Variants in TATDN2 observed in about 807,000 individuals in gnomAD.
TATDN2 encodes TatD DNase domain containing 2.
In TATDN2, 44 loss-of-function variants were observed where a neutral mutation model predicts 60.3. That is an observed-to-expected ratio of 0.73 (90% CI 0.57 to 0.94). TATDN2 has a LOEUF of 0.94. Ranked by LOEUF, TATDN2 falls within the 40% of genes least tolerant of loss-of-function variation. TATDN2 has a pLI of 0.00. For missense variants in TATDN2, 997 were observed against 948.0 expected (o/e 1.05, Z -0.68); for synonymous variants, 399 against 355.8 (o/e 1.12, Z -1.37).
intron 3 of TATDN2, among the ~76,000 whole-genome samples, chr3:10,261,780 T>C (rs1164387753): frequency 6.6e-6 from 1 of 152,260 alleles, no homozygotes; most frequent in Non-Finnish European, 1.5e-5. Context: ...AAATAATCTT[T>C]ACTGTTGATC....
chr3:10,278,892 A>G lies in TATDN2; in HGVS notation c.2153A>G (p.Lys718Arg). The G allele has an allele frequency of 6.2e-7, 1 of 1,613,990 alleles. No individual in the cohort carries two copies. The highest frequency in any genetic ancestry group is 2.2e-5 in the East Asian group (1 of 44,876). The change falls in exon 7 of 8, where the codon AAA (lysine) becomes AGA (arginine). Residue 718 changes from lysine to arginine, a missense_variant. Coordinates refer to ENST00000448281, the MANE Select transcript of TATDN2 (RefSeq NM_014760.4). The surrounding 1 kb of genome is among the most constrained non-coding windows in gnomAD (Gnocchi z 4.7). ...CCACTTGATGTCTTCCAGGTTCCCA[A>G]AAGCCTTTGCCAGTATGCCCACCCG... ...APYFLPRQVP[K>R]SLCQYAHPGL...
chr3:10,265,202 G>T (rs1698460554), intron 3 of TATDN2, among the ~76,000 whole-genome samples: 1 of 149,720 alleles, frequency 6.7e-6, no homozygotes, highest in African/African-American at 2.4e-5. Flanking sequence ...TCAGCCTCCT[G>T]AGCAGCTGGG....
At chr3:10,254,609 G>A (rs1412278365) in intron 2 of TATDN2, among the ~76,000 whole-genome samples, 1 of 152,196 alleles carries the variant, frequency 6.6e-6, no homozygotes, top group African/African-American at 2.4e-5. Context: ...TCTAAACTAA[G>A]GCTGAAGTGG....
chr3:10,276,226 A>G, intron 4 of TATDN2, 135 bp from the exon 5 acceptor site: 1 of 1,169,194 alleles, frequency 8.6e-7, no homozygotes. Context: ...GTGACCAATA[A>G]TCATTAGCTA....
Position 10,270,152 on chromosome 3 carries a change from A to C in TATDN2, c.970A>C (p.Met324Leu). ...GCAGCATAAAGATAGGGAGGTGGTGATGGAGCACCCCTCTTCTGGAAGTGA... is the reference window on the plus strand; with the variant it reads ...GCAGCATAAAGATAGGGAGGTGGTGCTGGAGCACCCCTCTTCTGGAAGTGA... ...IQKHKDREVV[M>L]EHPSSGSDWS... Residue 324 changes from methionine to leucine, a missense_variant, in exon 4 of 8, where the codon ATG becomes CTG. Met to Leu is a conservative substitution (Grantham distance 15). Coordinates refer to ENST00000448281, the MANE Select transcript of TATDN2 (RefSeq NM_014760.4). 6.2e-7 allele frequency: 1 copy of C among 1,613,166 alleles called. No individual in the cohort carries two copies. The highest frequency in any genetic ancestry group is 8.5e-7 in the Non-Finnish European group (1 of 1,179,540).
At chr3:10,266,989 G>GGCACGATCTCA (rs1256068011) in intron 3 of TATDN2, among the ~76,000 whole-genome samples, 1 of 147,058 alleles carries the variant, frequency 6.8e-6, no homozygotes, top group East Asian at 2.0e-4. Flanking sequence ...GGAGTACAGT[G>GGCACGATCTCA]GCTCACTGCA....
In TATDN2 at chr3:10,260,421, T is replaced by C; in HGVS notation, c.699T>C (p.Thr233=). Residue 233 remains threonine (T), a synonymous_variant, in exon 3 of 8, where the codon ACT becomes ACC. Transcript: ENST00000448281. ...CCAGGAGTGAAGGACCAGCCAAGAC[T>C]GCAGAAGGAGCAGCCAGGAGTGTCA... ...GPARSEGPAK[T]AEGAARSVTV... is the part of the protein sequence containing the mutation. The C allele has an allele frequency of 6.2e-7, 1 of 1,614,118 alleles. No individual in the cohort carries two copies.
Position 10,270,793 on chromosome 3 carries a change from C to T in TATDN2, c.1611C>T (p.Phe537=). ...PKEFQGCISD[F]CDPRTLTDCL... ...AATTTCAGGGCTGCATCTCTGACTT[C>T]TGTGATCCCCGCACCCTGACAGATT... The change falls in exon 4 of 8, where the codon TTC becomes TTT. Residue 537 remains phenylalanine, a synonymous_variant. Transcript: ENST00000448281. 6.2e-7 allele frequency: 1 copy of T among 1,614,232 alleles called. No homozygotes were observed. The highest frequency in any genetic ancestry group is 1.3e-5 in the African/African-American group (1 of 75,066).
intron 3 of TATDN2, among the ~76,000 whole-genome samples, chr3:10,268,964 G>T (rs1698517762): frequency 6.6e-6 from 1 of 152,194 alleles, no homozygotes; most frequent in South Asian, 2.1e-4. Context: ...TGTGGGTCAG[G>T]AATTTGGAAA....
At chr3:10,277,560 G>T (rs942237884) in intron 5 of TATDN2, among the ~76,000 whole-genome samples, 1 of 152,202 alleles carries the variant, frequency 6.6e-6, no homozygotes, top group African/African-American at 2.4e-5. Context: ...TTGTCAGATG[G>T]CAGAAAAAGG....
chr3:10,257,341 A>G (rs1698323286), intron 2 of TATDN2, among the ~76,000 whole-genome samples: 1 of 143,820 alleles, frequency 7.0e-6, no homozygotes, highest in Non-Finnish European at 1.5e-5. Flanking sequence ...AAAGATACAA[A>G]GAAAACAGGC....
rs1327138468 is a variant in TATDN2, at chr3:10,270,182, T to C, written c.1000T>C (p.Ser334Pro). The C allele has an allele frequency of 6.2e-7, 1 of 1,612,258 alleles. No individual in the cohort carries two copies. Among genetic ancestry groups the C allele is most frequent in the East Asian group, 2.2e-5 (1 of 44,762 alleles). Residue 334 changes from serine to proline, a missense_variant, in exon 4 of 8, where the codon TCT becomes CCT. Coordinates refer to ENST00000448281, the MANE Select transcript of TATDN2 (RefSeq NM_014760.4). ...MEHPSSGSDW[S>P]DVEEISTVRF... ...GCACCCCTCTTCTGGAAGTGACTGG[T>C]CTGATGTTGAGGAGATCTCCACAGT...
At chr3:10,271,450 A>G (rs1698562406) in intron 4 of TATDN2, among the ~76,000 whole-genome samples, 1 of 151,880 alleles carries the variant, frequency 6.6e-6, no homozygotes, top group Non-Finnish European at 1.5e-5. Flanking sequence ...AGTAGCTGGG[A>G]TTACAGGCGT....
intron 3 of TATDN2, among the ~76,000 whole-genome samples, chr3:10,267,262 A>C (rs1279506513): frequency 2.0e-4 from 27 of 135,712 alleles, no homozygotes; most frequent in African/African-American, 2.6e-4. Flanking sequence ...TATTTCCCCC[A>C]CACCCCCCGA....
chr3:10,255,671 G>A (rs546772069), intron 2 of TATDN2, among the ~76,000 whole-genome samples: 1 of 152,282 alleles, frequency 6.6e-6, no homozygotes, highest in African/African-American at 2.4e-5. Flanking sequence ...GCTGGGTGCG[G>A]TGGCTCATGC....
At chr3:10,264,683 CTT>C (rs779677473) in intron 3 of TATDN2, among the ~76,000 whole-genome samples, 10 of 143,858 alleles carry the variant, frequency 7.0e-5, no homozygotes, top group Non-Finnish European at 6.1e-5. Context: ...ACTTTATCTT[CTT>C]TTTTTTTTTT....
rs751106344 is a variant in TATDN2, at chr3:10,249,300, C to T, written c.100C>T (p.Pro34Ser). ...SCLREPCDVAPSSRPAQRSAS... is the reference protein window; with the variant it reads ...SCLREPCDVASSSRPAQRSAS... ...CCTCCGGGAGCCCTGTGATGTGGCC[C>T]CCTCCAGCCGGCCAGCTCAGAGGTC... Residue 34 changes from proline (P) to serine (S), a missense_variant, in exon 2 of 8, where the codon CCC becomes TCC. Pro to Ser is a moderately conservative substitution (Grantham distance 74). Coordinates refer to ENST00000448281, the MANE Select transcript of TATDN2 (RefSeq NM_014760.4). 16 of 1,605,828 alleles carry T rather than the reference C, an allele frequency of 1.0e-5. No individual in the cohort carries two copies. In the Admixed American group the frequency reaches 2.5e-4, roughly 25 times the overall value.
chr3:10,262,565 G>A (rs1418261155), intron 3 of TATDN2, among the ~76,000 whole-genome samples: 4 of 115,696 alleles, frequency 3.5e-5, no homozygotes, highest in Non-Finnish European at 4.8e-5. Context: ...GTGGAGTCTC[G>A]TTCTGTCTTG....
At chr3:10,260,045 G>T (rs1052826663) in intron 2 of TATDN2, 92 bp from the exon 3 acceptor site, 3 of 1,431,206 alleles carry the variant, frequency 2.1e-6, no homozygotes, top group Non-Finnish European at 2.8e-6. Flanking sequence ...CCTTTGACTG[G>T]TAGAACCACC....
Sources: gnomAD v4.1 joint callset for allele counts (sites outside exome capture counted in the v4.1 genomes callset) on GRCh38, gnomAD v4.1.1 for gene constraint, Gnocchi (gnomAD v3.1) non-coding constraint, MANE v1.5 for transcripts, NCBI Gene and HGNC (gene_info 2026-07-23, HGNC 2026-07-21) for gene names.